The following KIAA0825 variants were observed in gnomAD, a reference collection of about 807,000 sequenced individuals.
KIAA0825 encodes the protein KIAA0825.
In KIAA0825, 119 loss-of-function variants were observed where a neutral mutation model predicts 147.6. The observed-to-expected ratio is 0.81, with a 90% CI of 0.69 to 0.94. KIAA0825 has a LOEUF of 0.94. KIAA0825 is among the 40% of genes least tolerant of loss of function. The pLI is 0.00. For missense variants in KIAA0825, 1,381 were observed against 1,472.7 expected (o/e 0.94, Z 1.02); for synonymous variants, 470 against 518.1 (o/e 0.91, Z 1.26).
chr5:94,319,415 A>G (rs1019482336), intron 20 of KIAA0825, among the ~76,000 whole-genome samples: 6 of 151,566 alleles, frequency 4.0e-5, no homozygotes, highest in South Asian at 4.2e-4. Flanking sequence ...TCCAACCTCA[A>G]TCTCTCCTGA....
intron 20 of KIAA0825, among the ~76,000 whole-genome samples, chr5:94,364,836 A>G (rs1745602436): frequency 6.6e-6 from 1 of 152,108 alleles, no homozygotes; most frequent in African/African-American, 2.4e-5. Flanking sequence ...TTCTTTTCTA[A>G]CAAAGTGCAG....
chr5:94,203,712 C>A (rs2150028496), intron 20 of KIAA0825, among the ~76,000 whole-genome samples: 1 of 152,262 alleles, frequency 6.6e-6, no homozygotes, highest in East Asian at 1.9e-4. Flanking sequence ...CTGATTTGCA[C>A]AGATATTGTA....
intron 2 of KIAA0825, among the ~76,000 whole-genome samples, chr5:94,543,143 G>A (rs1031716964): frequency 1.3e-5 from 2 of 152,138 alleles, no homozygotes; most frequent in Non-Finnish European, 2.9e-5. Context: ...GACTTGGCTT[G>A]GCTTTAAAAA....
At chr5:94,339,818 G>C (rs555365335) in intron 20 of KIAA0825, among the ~76,000 whole-genome samples, 36 of 152,212 alleles carry the variant, frequency 2.4e-4, no homozygotes, top group African/African-American at 8.2e-4. Flanking sequence ...CATAAGACTT[G>C]TCCTGTTCTT....
At chr5:94,459,182 C>T (rs371220677) in intron 12 of KIAA0825, among the ~76,000 whole-genome samples, 65 of 152,192 alleles carry the variant, frequency 4.3e-4, no homozygotes, top group African/African-American at 1.5e-3. Context: ...AATAATATTC[C>T]ACTGTATGGA....
At chr5:94,558,899 C>A (rs774699669) in intron 2 of KIAA0825, among the ~76,000 whole-genome samples, 5 of 152,186 alleles carry the variant, frequency 3.3e-5, no homozygotes, top group African/African-American at 4.8e-5. Flanking sequence ...AGGATCATAA[C>A]AAACAGATCT....
chr5:94,309,907 TG>T lies in KIAA0825; in HGVS notation c.3710+74460del, dbSNP rs544173413. Among the ~76,000 whole-genome samples the T allele has an allele frequency of 4.0e-5, 6 of 151,820 alleles. No homozygotes were observed. The South Asian group carries it at 1.0e-3, about 26-fold the overall frequency. On this transcript the variant is annotated intron_variant, in intron 20 of 20. Transcript: ENST00000682413. ...TAGGATTCTATTTAGCTGGGGAATCTGGTGGTTTCCCTCTGTTCCCTTGATC... is the reference window on the plus strand; with the variant it reads ...TAGGATTCTATTTAGCTGGGGAATCTGTGGTTTCCCTCTGTTCCCTTGATC...
chr5:94,556,284 T>C (rs1470985047), intron 2 of KIAA0825, among the ~76,000 whole-genome samples: 1 of 152,156 alleles, frequency 6.6e-6, no homozygotes, highest in East Asian at 1.9e-4. Context: ...TTCACCATGT[T>C]GGCCAGGTTG....
chr5:94,357,081 C>T (rs1784365483), intron 20 of KIAA0825, among the ~76,000 whole-genome samples: 1 of 151,700 alleles, frequency 6.6e-6, no homozygotes. Flanking sequence ...TTAGAGAGCT[C>T]GAAAGAAAGA....
At chr5:94,464,788 G>T in intron 11 of KIAA0825, 81 bp downstream of exon 11, 1 of 1,166,086 alleles carries the variant, frequency 8.6e-7, no homozygotes, top group Admixed American at 2.6e-5. Context: ...TAAGGAGTAT[G>T]TCATGAGATT....
Position 94,520,805 on chromosome 5 carries a change from A to C in KIAA0825, c.413T>G (p.Phe138Cys), listed in dbSNP as rs1768033694. Residue 138 changes from phenylalanine (F) to cysteine (C), a missense_variant, in exon 5 of 21, where the codon TTC becomes TGC. Physicochemically the swap from Phe to Cys is radical, Grantham distance 205. Transcript: ENST00000682413. ...SFPSTLSGTS[F>C]HFLSRTSLHS... ...AAGAGACGTCCTAGAGAGGAAATGG[A>C]AAGATGTTCCACTTAGGGTTGATGG... 1 of 1,613,182 alleles carries C rather than the reference A, an allele frequency of 6.2e-7. No individual in the cohort carries two copies. The highest frequency in any genetic ancestry group is 1.1e-5 in the South Asian group (1 of 91,060).
At chr5:94,486,358 T>A (rs1763059049) in intron 5 of KIAA0825, among the ~76,000 whole-genome samples, 1 of 152,002 alleles carries the variant, frequency 6.6e-6, no homozygotes, top group African/African-American at 2.4e-5. Context: ...ATTCCAGAAA[T>A]CTAACAATTT....
intron 2 of KIAA0825, among the ~76,000 whole-genome samples, chr5:94,555,467 G>A (rs547922052): frequency 2.6e-3 from 400 of 152,046 alleles, no homozygotes; most frequent in African/African-American, 9.1e-3. Flanking sequence ...GTAAGTACTC[G>A]TATTAATATA....
chr5:94,369,681 C>A (rs987727203), intron 20 of KIAA0825, among the ~76,000 whole-genome samples: 1 of 152,122 alleles, frequency 6.6e-6, no homozygotes, highest in African/African-American at 2.4e-5. Context: ...AAAAAATATC[C>A]TTTTATCTGA....
chr5:94,344,275 C>T (rs1782746120), intron 20 of KIAA0825, among the ~76,000 whole-genome samples: 1 of 152,088 alleles, frequency 6.6e-6, no homozygotes, highest in Non-Finnish European at 1.5e-5. Context: ...AAAAAATATA[C>T]AGCTTCATCT....
intron 20 of KIAA0825, among the ~76,000 whole-genome samples, chr5:94,281,990 C>T (rs1352303252): frequency 6.6e-6 from 1 of 152,112 alleles, no homozygotes; most frequent in Non-Finnish European, 1.5e-5. Context: ...CCCATACCAT[C>T]TGACTTCCTC....
chr5:94,417,402 T>G lies in KIAA0825; in HGVS notation c.2498-37A>C, dbSNP rs917922669. 25 of 1,508,280 alleles carry G rather than the reference T, an allele frequency of 1.7e-5. No individual in the cohort carries two copies. The African/African-American group carries it at 3.3e-4, about 20-fold the overall frequency. The allele number at this position is 1,508,280 out of a possible 1,614,324, so 93.4% of individuals were successfully genotyped here. A position where few individuals can be genotyped will look rare whatever the true frequency, so the allele number is the denominator to read the frequency against. On this transcript the variant is annotated intron_variant, in intron 14 of 20. Transcript: ENST00000682413. The stretch of plus-strand genomic sequence containing the variant: ...CGTTCTTGAAAGGAATCAAAATGAT[T>G]TAGTAAGATATCAGTGAATATGATT...
intron 14 of KIAA0825, among the ~76,000 whole-genome samples, chr5:94,426,809 TACTC>T (rs1204898267): frequency 6.6e-6 from 1 of 152,200 alleles, no homozygotes; most frequent in Non-Finnish European, 1.5e-5. Flanking sequence ...CATTAACAAA[TACTC>T]ACATGTACCC....
At chr5:94,522,713 C>A (rs1450973424) in intron 4 of KIAA0825, among the ~76,000 whole-genome samples, 2 of 151,414 alleles carry the variant, frequency 1.3e-5, no homozygotes, top group Non-Finnish European at 3.0e-5. Context: ...TAATGTGGTT[C>A]CTTCCTTAAA....
Sources: allele counts gnomAD v4.1 joint callset (sites outside exome capture counted in the v4.1 genomes callset), GRCh38; gene constraint gnomAD v4.1.1; transcripts MANE v1.5; gene names NCBI Gene and HGNC (gene_info 2026-07-23, HGNC 2026-07-21).